CDH2: variants seen among roughly 807,000 people sequenced by gnomAD.
CDH2 encodes cadherin 2, also known as cadherin-2.
Under a neutral mutation model 92.0 loss-of-function variants are expected in CDH2, and 17 were observed. The observed-to-expected ratio is 0.18, with a 90% CI of 0.13 to 0.28. CDH2 has a LOEUF of 0.28. CDH2 is among the 10% of genes least tolerant of loss of function. The pLI is 1.00. For missense variants in CDH2, 862 were observed against 1,133.1 expected (o/e 0.76, Z 3.44); for synonymous variants, 419 against 415.9 (o/e 1.01, Z -0.09).
chr18:28,013,098 T>G lies in CDH2; in HGVS notation c.399+585A>C, dbSNP rs543389275. Among the ~76,000 whole-genome samples, 12 of 152,328 alleles carry G rather than the reference T, an allele frequency of 7.9e-5. No homozygotes were observed. In the East Asian group the frequency reaches 1.4e-3, roughly 17 times the overall value. ...CGAACAATGACTTATACAAATTAAG[T>G]GCTCAATAAATATTTGTTGAATTGA... On this transcript the variant is annotated intron_variant, in intron 3 of 15. Transcript: ENST00000269141.
chr18:27,938,895 A>G (rs1386215166), intron 6 of CDH2, among the ~76,000 whole-genome samples: 2 of 152,216 alleles, frequency 1.3e-5, no homozygotes, highest in Non-Finnish European at 2.9e-5. Flanking sequence ...AAGCAAAAGT[A>G]TTTTTAGCAA....
At chr18:28,114,174 T>C (rs2015457848) in intron 2 of CDH2, among the ~76,000 whole-genome samples, 1 of 152,118 alleles carries the variant, frequency 6.6e-6, no homozygotes, top group Admixed American at 6.6e-5. Context: ...ATTTCATAGT[T>C]TCAAATAGCT....
chr18:28,042,957 T>C (rs1567976185), intron 2 of CDH2, among the ~76,000 whole-genome samples: 2 of 152,240 alleles, frequency 1.3e-5, no homozygotes, highest in Non-Finnish European at 2.9e-5. Context: ...GCAAATTTTA[T>C]TTGTATTCAA....
chr18:27,978,613 G>T (rs1034478635), intron 14 of CDH2, among the ~76,000 whole-genome samples: 1 of 24,818 alleles, frequency 4.0e-5, no homozygotes, highest in Non-Finnish European at 1.5e-4. Flanking sequence ...TATGTAGTTG[G>T]GGGGGGGGAT....
chr18:28,005,757 T>G (rs2012898145), intron 6 of CDH2, 92 bp downstream of exon 6: 1 of 772,198 alleles, frequency 1.3e-6, no homozygotes, highest in Admixed American at 2.8e-5. Context: ...CCAAAAAGCC[T>G]CATATGATTT....
At chr18:28,164,839 C>T (rs1055707787) in intron 1 of CDH2, among the ~76,000 whole-genome samples, 2 of 152,192 alleles carry the variant, frequency 1.3e-5, no homozygotes, top group African/African-American at 4.8e-5. Flanking sequence ...ACTCTACATA[C>T]ACTAATTCCT....
intron 2 of CDH2, among the ~76,000 whole-genome samples, chr18:28,122,847 C>T (rs964725975): frequency 6.6e-6 from 1 of 152,022 alleles, no homozygotes; most frequent in African/African-American, 2.4e-5. Flanking sequence ...AAAAGAAATT[C>T]TCCAGTGGGC....
At chr18:28,139,319 C>T (rs1000440927) in intron 2 of CDH2, among the ~76,000 whole-genome samples, 1 of 151,980 alleles carries the variant, frequency 6.6e-6, no homozygotes, top group Non-Finnish European at 1.5e-5. Context: ...GATTCTTTGA[C>T]CTCATTACAC....
intron 11 of CDH2, among the ~76,000 whole-genome samples, chr18:27,987,750 GAGTT>G (rs1419530566): frequency 6.6e-6 from 1 of 152,132 alleles, no homozygotes; most frequent in Non-Finnish European, 1.5e-5. Context: ...TTAAAACACT[GAGTT>G]AGGTGCTGAT....
chr18:27,965,014 A>G (rs1402226446), intron 14 of CDH2, among the ~76,000 whole-genome samples: 5 of 152,232 alleles, frequency 3.3e-5, no homozygotes, highest in African/African-American at 1.2e-4. Flanking sequence ...TGGGTCAGGC[A>G]CTATACCAGA....
At chr18:27,975,487 AG>A (rs1049399218) in intron 14 of CDH2, among the ~76,000 whole-genome samples, 2 of 152,242 alleles carry the variant, frequency 1.3e-5, no homozygotes, top group African/African-American at 2.4e-5. Context: ...GGGAGCGCAC[AG>A]GTGAGTGAGC....
chr18:27,975,984 G>A (rs2011814636), intron 14 of CDH2, among the ~76,000 whole-genome samples: 3 of 152,110 alleles, frequency 2.0e-5, no homozygotes, highest in African/African-American at 4.8e-5. Context: ...CTCTTCTACC[G>A]GCTGAGTCTG....
At position 28,041,975 on chromosome 18, in the gene CDH2, T is replaced by A. The variant is rs117342074; in HGVS notation, c.173-28066A>T. Reference sequence around the variant, plus strand: ...AAATAGCAGTCCTTAATTTTTACTATGCCCACTGTAGACACCACTGAGAAA... The same window carrying A: ...AAATAGCAGTCCTTAATTTTTACTAAGCCCACTGTAGACACCACTGAGAAA... On this transcript the variant is annotated intron_variant, in intron 2 of 15. Coordinates refer to ENST00000269141, the MANE Select transcript of CDH2 (RefSeq NM_001792.5). 4.7e-3 allele frequency among the ~76,000 whole-genome samples: 716 copies of A among 152,284 alleles called. 6 individuals are homozygous for A. The highest frequency in any genetic ancestry group is 0.043 in the East Asian group (222 of 5,182).
chr18:27,936,834 G>A (rs1314487909), intron 6 of CDH2, among the ~76,000 whole-genome samples: 4 of 152,002 alleles, frequency 2.6e-5, no homozygotes, highest in African/African-American at 4.8e-5. Flanking sequence ...CCACTGTGCC[G>A]CCCCTCTCCT....
intron 15 of CDH2, among the ~76,000 whole-genome samples, chr18:27,955,017 T>G (rs1325122425): frequency 6.6e-6 from 1 of 152,158 alleles, no homozygotes; most frequent in Non-Finnish European, 1.5e-5. Flanking sequence ...TCAGGGAAAT[T>G]CCTGATAAGG....
chr18:28,038,088 A>G (rs904220155), intron 2 of CDH2, among the ~76,000 whole-genome samples: 2 of 152,174 alleles, frequency 1.3e-5, no homozygotes, highest in South Asian at 4.1e-4. Context: ...CAGTTTTATG[A>G]AAGACTGTTT....
intron 1 of CDH2, among the ~76,000 whole-genome samples, chr18:28,154,072 G>GA (rs2016169336): frequency 6.6e-6 from 1 of 152,134 alleles, no homozygotes; most frequent in Non-Finnish European, 1.5e-5. Context: ...TTTACCTCTG[G>GA]AAACCTTTCT....
chr18:28,149,999 A>C (rs529918196), intron 1 of CDH2, among the ~76,000 whole-genome samples: 1 of 152,356 alleles, frequency 6.6e-6, no homozygotes, highest in East Asian at 1.9e-4. Flanking sequence ...GTAAACATCC[A>C]GGTACTGTCC....
chr18:28,121,572 A>G (rs968393968), intron 2 of CDH2, among the ~76,000 whole-genome samples: 2 of 152,082 alleles, frequency 1.3e-5, no homozygotes, highest in African/African-American at 2.4e-5. Context: ...GCTAGACCCA[A>G]TCTCCAGCTC....
Sources: allele counts gnomAD v4.1 joint callset (sites outside exome capture counted in the v4.1 genomes callset), GRCh38; gene constraint gnomAD v4.1.1; transcripts MANE v1.5; gene names NCBI Gene and HGNC (gene_info 2026-07-23, HGNC 2026-07-21).